GABRB3: variants seen among roughly 807,000 people sequenced by gnomAD.
The protein encoded by GABRB3 is gamma-aminobutyric acid type A receptor subunit beta3, also known as gamma-aminobutyric acid receptor subunit beta-3.
In GABRB3, 14 loss-of-function variants were observed where a neutral mutation model predicts 52.1. The ratio of observed to expected loss-of-function variants is 0.27; its 90% CI spans 0.18 to 0.42. The LOEUF (loss-of-function observed/expected upper bound fraction) is 0.42. GABRB3 is among the 10% of genes least tolerant of loss of function. The pLI is 1.00. For synonymous variants in GABRB3, 260 were observed against 232.3 expected, an observed-to-expected ratio of 1.12 and a Z score of -1.08; for missense variants, 307 against 609.1, an observed-to-expected ratio of 0.50 and a Z score of 5.22.
chr15:26,618,471 A>G (rs1182747756), intron 4 of GABRB3, among the ~76,000 whole-genome samples: 1 of 152,144 alleles, frequency 6.6e-6, no homozygotes, highest in African/African-American at 2.4e-5. Flanking sequence ...ATATGTAGAA[A>G]GCTGAAACTG....
intron 4 of GABRB3, among the ~76,000 whole-genome samples, chr15:26,602,040 A>G (rs1475293415): frequency 6.6e-6 from 1 of 152,196 alleles, no homozygotes; most frequent in Non-Finnish European, 1.5e-5. Context: ...AGACACATAC[A>G]GACTGAAAAT....
At chr15:26,583,181 G>GTC (rs778140900) in intron 5 of GABRB3, 151 bp downstream of exon 5, 101 of 690,518 alleles carry the variant, frequency 1.5e-4, no homozygotes, top group South Asian at 6.2e-4. Flanking sequence ...TTTATACTGA[G>GTC]TCTCTCTCTC....
In GABRB3 at chr15:26,772,778, G is replaced by A; in HGVS notation, c.81-6C>T. On this transcript the variant is annotated splice_polypyrimidine_tract_variant and splice_region_variant and intron_variant, in intron 1 of 8. Transcript: ENST00000311550. ...TGTTCCCGGGATCGTTCACACTGGGGGAGGGACGGGGAGCACAAAGAGCGG... is the reference window on the plus strand; with the variant it reads ...TGTTCCCGGGATCGTTCACACTGGGAGAGGGACGGGGAGCACAAAGAGCGG... 1 of 1,542,852 alleles carries A rather than the reference G, an allele frequency of 6.5e-7. No homozygotes were observed. Among genetic ancestry groups the A allele is most frequent in the Non-Finnish European group, 8.7e-7 (1 of 1,143,400 alleles).
intron 3 of GABRB3, among the ~76,000 whole-genome samples, chr15:26,667,310 G>A (rs542276809): frequency 1.4e-4 from 21 of 152,252 alleles, no homozygotes; most frequent in African/African-American, 4.6e-4. Context: ...TGTTGGCAGT[G>A]GAGTTTTCTT....
Position 26,554,039 on chromosome 15 carries a change from ATT to A in GABRB3, c.1081-5907_1081-5906del, listed in dbSNP as rs61443426. 4.3e-3 allele frequency among the ~76,000 whole-genome samples: 176 copies of A among 40,916 alleles called. 41 individuals are homozygous for A. The highest frequency in any genetic ancestry group is 6.9e-3 in the Non-Finnish European group (125 of 17,998). 26.8% of individuals were successfully genotyped at this position (40,916 alleles called of 152,430 possible). A position where few individuals can be genotyped will look rare whatever the true frequency, so the allele number is the denominator to read the frequency against. ...TGACTATTTATATATATATATATTTATTTATTTATATTTATTTATATATAAAG... is the reference window on the plus strand; with the variant it reads ...TGACTATTTATATATATATATATTTATATTTATATTTATTTATATATAAAG... On this transcript the variant is annotated intron_variant, in intron 8 of 8. Transcript: ENST00000311550.
At chr15:26,766,251 C>T (rs1374765848) in intron 3 of GABRB3, among the ~76,000 whole-genome samples, 1 of 152,154 alleles carries the variant, frequency 6.6e-6, no homozygotes. Context: ...AAGACACAGA[C>T]CCCTATGAGA....
intron 4 of GABRB3, among the ~76,000 whole-genome samples, chr15:26,591,002 C>T (rs1891182155): frequency 2.0e-5 from 3 of 152,272 alleles, no homozygotes; most frequent in African/African-American, 7.2e-5. Flanking sequence ...AAGCCATGCC[C>T]AGAAGAGTCT....
intron 3 of GABRB3, among the ~76,000 whole-genome samples, chr15:26,661,919 G>C (rs1887564657): frequency 6.6e-6 from 1 of 151,772 alleles, no homozygotes; most frequent in Admixed American, 6.6e-5. Flanking sequence ...GTGTAGCTCT[G>C]ATTGCCACAA....
rs933274305 is a variant in GABRB3 at position 26,544,860 on chromosome 15, T to C, written c.*2933A>G. 2.0e-5 allele frequency: 3 copies of C among 152,634 alleles called. No individual in the cohort carries two copies. Among genetic ancestry groups the C allele is most frequent in the Admixed American group, 1.3e-4 (2 of 15,286 alleles). The allele number at this position is 152,634 out of a possible 1,614,324, so 9.5% of individuals were successfully genotyped here. On this transcript the variant is annotated 3_prime_UTR_variant, in exon 9 of 9. Coordinates refer to ENST00000311550, the MANE Select transcript of GABRB3 (RefSeq NM_000814.6). ...ATCCCCAATGATAACGTTTCTGTCC[T>C]TACTCAAGAGGTCTGGGTGTGGGTA... is the stretch of plus-strand genomic sequence containing the variant.
intron 3 of GABRB3, among the ~76,000 whole-genome samples, chr15:26,648,520 T>A (rs1015536383): frequency 1.3e-4 from 20 of 152,102 alleles, no homozygotes; most frequent in Non-Finnish European, 2.8e-4. Flanking sequence ...GAGAACCTTA[T>A]GATCCCGAAG....
At chr15:26,675,584 T>TA (rs1465613193) in intron 3 of GABRB3, among the ~76,000 whole-genome samples, 3 of 152,184 alleles carry the variant, frequency 2.0e-5, no homozygotes, top group Admixed American at 2.0e-4. Flanking sequence ...GAGATAGGTA[T>TA]AGGAACCACT....
Position 26,772,752 on chromosome 15 carries a change from A to G in GABRB3, c.101T>C (p.Met34Thr). 1 of 1,538,504 alleles carries G rather than the reference A, an allele frequency of 6.5e-7. No individual in the cohort carries two copies. Among genetic ancestry groups the G allele is most frequent in the South Asian group, 1.2e-5 (1 of 86,676 alleles). The change falls in exon 2 of 9, where the codon ATG (methionine) becomes ACG (threonine). Residue 34 changes from methionine to threonine, a missense_variant. This residue lies in a region of GABRB3 where 90 missense variants were observed against 86.4 expected (regional missense o/e 1.04). Coordinates refer to ENST00000311550, the MANE Select transcript of GABRB3 (RefSeq NM_000814.6). ...GTCCACCGTCTCCTTCACAAAGGAC[A>G]TGTTCCCGGGATCGTTCACACTGGG... ...CAQSVNDPGN[M>T]SFVKETVDKL...
At chr15:26,661,460 G>T (rs553202271) in intron 3 of GABRB3, among the ~76,000 whole-genome samples, 1 of 152,134 alleles carries the variant, frequency 6.6e-6, no homozygotes, top group Non-Finnish European at 1.5e-5. Flanking sequence ...GCACCTGTAT[G>T]CAAGACCCCT....
chr15:26,749,588 T>A (rs935166499), intron 3 of GABRB3, among the ~76,000 whole-genome samples: 1 of 152,188 alleles, frequency 6.6e-6, no homozygotes, highest in Non-Finnish European at 1.5e-5. Flanking sequence ...CATCCTCCTG[T>A]TTCTACTCAG....
intron 3 of GABRB3, among the ~76,000 whole-genome samples, chr15:26,760,220 A>G (rs1248996648): frequency 6.6e-6 from 1 of 152,188 alleles, no homozygotes; most frequent in African/African-American, 2.4e-5. Flanking sequence ...AAATGACAAG[A>G]AGCTGTGGTC....
chr15:26,750,555 AAAT>A (rs56949818), intron 3 of GABRB3, among the ~76,000 whole-genome samples: 75,291 of 151,840 alleles, frequency 0.5, 19,971 homozygotes, highest in South Asian at 0.64. Context: ...ATGCTCAGTT[AAAT>A]AATAAGAATC....
intron 4 of GABRB3, chr15:26,590,314 C>CTCGA (rs1221807043): frequency 6.6e-6 from 1 of 152,146 alleles, no homozygotes; most frequent in African/African-American, 2.4e-5. Flanking sequence ...CTGGCTTGCA[C>CTCGA]TCGAGATGCC....
intron 3 of GABRB3, among the ~76,000 whole-genome samples, chr15:26,717,961 C>T (rs920889262): frequency 7.2e-5 from 11 of 152,310 alleles, no homozygotes; most frequent in African/African-American, 2.4e-4. Context: ...TCTGCAAGTA[C>T]TTCCACAATC....
intron 3 of GABRB3, chr15:26,624,121 A>G (rs534279534): frequency 1.5e-4 from 139 of 900,620 alleles, no homozygotes; most frequent in Non-Finnish European, 1.8e-4. Flanking sequence ...CAAAGGCCTG[A>G]AAGGTTCTCG....
Sources: gnomAD v4.1 joint callset for allele counts (sites outside exome capture counted in the v4.1 genomes callset) on GRCh38, gnomAD v4.1.1 for gene constraint, gnomAD v4.1.1 regional missense constraint, MANE v1.5 for transcripts, NCBI Gene and HGNC (gene_info 2026-07-23, HGNC 2026-07-21) for gene names.